Variants in SPIDR observed in about 807,000 individuals in gnomAD.
The protein encoded by SPIDR is DNA repair-scaffolding protein.
SPIDR carries 93 observed loss-of-function variants against 104.6 expected under a neutral mutation model. The observed-to-expected ratio is 0.89, with a 90% CI of 0.75 to 1.06. The LOEUF (loss-of-function observed/expected upper bound fraction) is 1.06, where lower values mean the gene tolerates loss of function less well. SPIDR is among the 50% of genes least tolerant of loss of function. The pLI is 0.00. For missense variants in SPIDR, 1,154 were observed against 1,111.2 expected (o/e 1.04, Z -0.55); for synonymous variants, 431 against 416.9 (o/e 1.03, Z -0.41).
intron 14 of SPIDR, among the ~76,000 whole-genome samples, 193 bp from the exon 15 acceptor site, chr8:47,712,469 T>C (rs1368415169): frequency 6.6e-6 from 1 of 152,200 alleles, no homozygotes; most frequent in African/African-American, 2.4e-5. Flanking sequence ...AGGAAGCCTT[T>C]AACCAGGTGC....
At chr8:47,290,518 TACA>T (rs1362924071) in intron 3 of SPIDR, among the ~76,000 whole-genome samples, 1 of 152,216 alleles carries the variant, frequency 6.6e-6, no homozygotes, top group Non-Finnish European at 1.5e-5. Context: ...TCTTATTTCT[TACA>T]ACTATATATG....
intron 7 of SPIDR, among the ~76,000 whole-genome samples, chr8:47,421,530 T>C (rs1554680619): frequency 6.6e-6 from 1 of 152,178 alleles, no homozygotes; most frequent in Non-Finnish European, 1.5e-5. Context: ...TTTCAAGGTT[T>C]TTAACTTCTT....
At chr8:47,389,748 G>C (rs2060362351) in intron 5 of SPIDR, among the ~76,000 whole-genome samples, 1 of 151,396 alleles carries the variant, frequency 6.6e-6, no homozygotes, top group Non-Finnish European at 1.5e-5. Context: ...AAGTACATTG[G>C]GTCACCATGT....
At chr8:47,328,155 TGAA>T (rs1371738748) in intron 5 of SPIDR, among the ~76,000 whole-genome samples, 3 of 152,146 alleles carry the variant, frequency 2.0e-5, no homozygotes, top group Admixed American at 6.5e-5. Flanking sequence ...TCCACGATCA[TGAA>T]GATCTATTAT....
At chr8:47,509,678 G>A (rs1032646790) in intron 8 of SPIDR, among the ~76,000 whole-genome samples, 2 of 152,098 alleles carry the variant, frequency 1.3e-5, no homozygotes, top group East Asian at 1.9e-4. Flanking sequence ...TTAGATAACT[G>A]TATGGTATTC....
At chr8:47,655,567 G>C (rs2072607983) in intron 10 of SPIDR, among the ~76,000 whole-genome samples, 1 of 152,044 alleles carries the variant, frequency 6.6e-6, no homozygotes, top group Admixed American at 6.5e-5. Context: ...CTTTTTGATG[G>C]GGTTGTTTGT....
chr8:47,431,994 A>G (rs1585607111), intron 7 of SPIDR, among the ~76,000 whole-genome samples: 1 of 152,282 alleles, frequency 6.6e-6, no homozygotes. Context: ...AGCTTTATGA[A>G]TTTTATCCTG....
chr8:47,566,121 C>A (rs2057806485), intron 8 of SPIDR, among the ~76,000 whole-genome samples: 1 of 148,306 alleles, frequency 6.7e-6, no homozygotes, highest in South Asian at 2.1e-4. Context: ...ATTCTCCTCC[C>A]TCAGCCTCCC....
At chr8:47,452,547 G>A (rs183343750) in intron 8 of SPIDR, among the ~76,000 whole-genome samples, 169 of 152,294 alleles carry the variant, frequency 1.1e-3, no homozygotes, top group African/African-American at 3.7e-3. Context: ...GGGATGCAAG[G>A]CTGGTTCAAC....
At chr8:47,585,119 T>C (rs1252826712) in intron 8 of SPIDR, among the ~76,000 whole-genome samples, 1 of 152,218 alleles carries the variant, frequency 6.6e-6, no homozygotes, top group Non-Finnish European at 1.5e-5. Flanking sequence ...TTACGTATAA[T>C]TAATCATATG....
intron 10 of SPIDR, among the ~76,000 whole-genome samples, chr8:47,607,312 G>A (rs2063082876): frequency 1.3e-5 from 2 of 152,040 alleles, no homozygotes; most frequent in African/African-American, 4.8e-5. Flanking sequence ...TAATTAATTA[G>A]TTCTGTGTCC....
intron 10 of SPIDR, among the ~76,000 whole-genome samples, chr8:47,647,160 C>G (rs1303488023): frequency 2.0e-5 from 3 of 152,088 alleles, no homozygotes; most frequent in Admixed American, 2.0e-4. Context: ...AAACATTTAT[C>G]CATTCAACAA....
intron 10 of SPIDR, among the ~76,000 whole-genome samples, chr8:47,621,871 G>A (rs961514657): frequency 2.6e-5 from 4 of 152,090 alleles, no homozygotes; most frequent in Non-Finnish European, 2.9e-5. Context: ...AGGCTGAGGC[G>A]GGAGAATTGC....
intron 8 of SPIDR, among the ~76,000 whole-genome samples, chr8:47,550,598 T>C (rs2090289930): frequency 6.6e-6 from 1 of 152,212 alleles, no homozygotes; most frequent in Non-Finnish European, 1.5e-5. Context: ...GGAATGCTTG[T>C]GATTTTTGCA....
chr8:47,302,529 T>C (rs2042289204), intron 5 of SPIDR, among the ~76,000 whole-genome samples: 1 of 152,206 alleles, frequency 6.6e-6, no homozygotes, highest in Non-Finnish European at 1.5e-5. Flanking sequence ...CTCTGATTTT[T>C]AGAGTTTCCA....
chr8:47,455,323 T>G (rs1262582046), intron 8 of SPIDR, among the ~76,000 whole-genome samples: 1 of 152,078 alleles, frequency 6.6e-6, no homozygotes, highest in East Asian at 1.9e-4. Flanking sequence ...TTATTTAAGA[T>G]ATTGATTGTA....
chr8:47,298,525 G>C (rs1255320352), intron 5 of SPIDR, among the ~76,000 whole-genome samples: 52 of 152,136 alleles, frequency 3.4e-4, no homozygotes, highest in Admixed American at 2.6e-4. Flanking sequence ...TGAAGTCCTT[G>C]CCCATGCCTG....
intron 11 of SPIDR, among the ~76,000 whole-genome samples, chr8:47,675,405 A>G (rs1213293163): frequency 6.6e-6 from 1 of 152,208 alleles, no homozygotes; most frequent in Admixed American, 6.5e-5. Context: ...TAATTGCATT[A>G]TGTATTTGGG....
chr8:47,727,353 G>A, intron 17 of SPIDR, 60 bp downstream of exon 17: 1 of 1,522,822 alleles, frequency 6.6e-7, no homozygotes, highest in Non-Finnish European at 9.1e-7. Flanking sequence ...AAGCAACCCA[G>A]CCCCAGAACC....
Sources: allele counts gnomAD v4.1 joint callset (sites outside exome capture counted in the v4.1 genomes callset), GRCh38; gene constraint gnomAD v4.1.1; transcripts MANE v1.5; gene names NCBI Gene and HGNC (gene_info 2026-07-23, HGNC 2026-07-21).